PTH2R: variants seen among roughly 807,000 people sequenced by gnomAD.
The protein encoded by PTH2R is PTH2 receptor.
In PTH2R, 59 loss-of-function variants were observed where a neutral mutation model predicts 60.3. That is an observed-to-expected ratio of 0.98 (90% CI 0.79 to 1.22). The LOEUF (loss-of-function observed/expected upper bound fraction) is 1.22. PTH2R is among the 50% of genes most tolerant of loss of function. The pLI is 0.00. For synonymous variants in PTH2R, 256 were observed against 243.8 expected, an observed-to-expected ratio of 1.05 and a Z score of -0.47; for missense variants, 749 against 682.6, an observed-to-expected ratio of 1.10 and a Z score of -1.08.
intron 9 of PTH2R, among the ~76,000 whole-genome samples, chr2:208,467,844 A>T (rs568539013): frequency 1.3e-5 from 2 of 152,338 alleles, no homozygotes; most frequent in African/African-American, 4.8e-5. Flanking sequence ...TCTAATCTTC[A>T]AAAGGATTTA....
At chr2:208,392,445 C>T (rs1053929643) in intron 1 of PTH2R, among the ~76,000 whole-genome samples, 1 of 152,136 alleles carries the variant, frequency 6.6e-6, no homozygotes, top group African/African-American at 2.4e-5. Context: ...ATGGGCCTAG[C>T]AGTTATAGCT....
intron 1 of PTH2R, among the ~76,000 whole-genome samples, chr2:208,380,984 A>G (rs1413985722): frequency 1.3e-5 from 2 of 152,084 alleles, no homozygotes. Flanking sequence ...TGAGGTCCTA[A>G]TGCAAATTTT....
At chr2:208,382,909 T>C (rs1195525004) in intron 1 of PTH2R, among the ~76,000 whole-genome samples, 1 of 152,250 alleles carries the variant, frequency 6.6e-6, no homozygotes, top group Non-Finnish European at 1.5e-5. Flanking sequence ...CCTTCAGCAT[T>C]GATCCCACTC....
At position 208,476,831 on chromosome 2, in the gene PTH2R, A is replaced by G. The variant is rs539931372; in HGVS notation, c.982-4239A>G. On this transcript the variant is annotated intron_variant, in intron 9 of 12. Transcript: ENST00000272847. ...TGATGTGACCCTAGCTCAGTTAGAC[A>G]AGTGGATCCACTGAAGAACCCCATA... Among the ~76,000 whole-genome samples, 4 of 152,206 alleles carry G rather than the reference A, an allele frequency of 2.6e-5. No individual in the cohort carries two copies. The South Asian group carries it at 8.3e-4, about 32-fold the overall frequency.
intron 9 of PTH2R, among the ~76,000 whole-genome samples, chr2:208,477,953 C>CACTACTACTAGTACTACTAGT (rs1559231914): frequency 3.6e-3 from 107 of 29,840 alleles, no homozygotes; most frequent in African/African-American, 6.3e-3. Context: ...GTAGTACTAG[C>CACTACTACTAGTACTACTAGT]ACTACTACTA....
At chr2:208,409,557 A>G (rs1223457606) in intron 1 of PTH2R, among the ~76,000 whole-genome samples, 1 of 152,248 alleles carries the variant, frequency 6.6e-6, no homozygotes, top group Non-Finnish European at 1.5e-5. Flanking sequence ...CAAAAAAATT[A>G]TAACATATTG....
Position 208,459,971 on chromosome 2 carries a change from A to C in PTH2R, c.981+10A>C. The C allele has an allele frequency of 6.2e-7, 1 of 1,611,800 alleles. No homozygotes were observed. Among genetic ancestry groups the C allele is most frequent in the Non-Finnish European group, 8.5e-7 (1 of 1,178,612 alleles). On this transcript the variant is annotated intron_variant, in intron 9 of 12. Coordinates refer to ENST00000272847, the MANE Select transcript of PTH2R (RefSeq NM_005048.4). ...CTTAGCAGCTATTGGGGTAAGTTTAAAAGTTTGTATAGTTAAAAAAGGGAT... is the reference window on the plus strand; with the variant it reads ...CTTAGCAGCTATTGGGGTAAGTTTACAAGTTTGTATAGTTAAAAAAGGGAT...
chr2:208,360,107 T>A, exon 1 of PTH2R: 1 of 400,226 alleles, frequency 2.5e-6, no homozygotes, highest in Non-Finnish European at 5.0e-6. Context: ...AAAATGATTT[T>A]TTTCCCTCGA....
chr2:208,490,266 T>A (rs897589599), intron 11 of PTH2R, among the ~76,000 whole-genome samples: 4 of 152,184 alleles, frequency 2.6e-5, no homozygotes, highest in African/African-American at 9.7e-5. Context: ...TTTGTATTCT[T>A]ACCATACAAT....
At chr2:208,491,059 T>C (rs1703394517) in intron 12 of PTH2R, among the ~76,000 whole-genome samples, 1 of 152,240 alleles carries the variant, frequency 6.6e-6, no homozygotes, top group African/African-American at 2.4e-5. Context: ...TTGATGTTTT[T>C]TGAACTATAA....
intron 9 of PTH2R, among the ~76,000 whole-genome samples, chr2:208,469,241 TG>T (rs1482613680): frequency 6.6e-6 from 1 of 152,248 alleles, no homozygotes; most frequent in Non-Finnish European, 1.5e-5. Context: ...GATATAAAGT[TG>T]TTTTTTAGTC....
intron 1 of PTH2R, among the ~76,000 whole-genome samples, chr2:208,423,623 T>C (rs796591962): frequency 2.6e-5 from 4 of 152,276 alleles, no homozygotes; most frequent in African/African-American, 9.6e-5. Flanking sequence ...GTTGATGGCA[T>C]TGTTGAGTTC....
At chr2:208,373,050 C>T (rs1700731689) in intron 1 of PTH2R, among the ~76,000 whole-genome samples, 1 of 152,110 alleles carries the variant, frequency 6.6e-6, no homozygotes, top group Non-Finnish European at 1.5e-5. Context: ...CACACCACTG[C>T]ACTCTAGCAT....
At chr2:208,363,361 GTTC>G (rs1184678642) in intron 1 of PTH2R, among the ~76,000 whole-genome samples, 1 of 152,094 alleles carries the variant, frequency 6.6e-6, no homozygotes, top group Non-Finnish European at 1.5e-5. Flanking sequence ...ACATGATTTC[GTTC>G]TTCTTATAGC....
chr2:208,471,120 C>T (rs959312006), intron 9 of PTH2R, among the ~76,000 whole-genome samples: 5 of 152,040 alleles, frequency 3.3e-5, no homozygotes, highest in Admixed American at 6.6e-5. Context: ...CTGTTAAAGG[C>T]ATTTAGTTTT....
At chr2:208,379,168 G>A (rs1700864903) in intron 1 of PTH2R, among the ~76,000 whole-genome samples, 1 of 152,124 alleles carries the variant, frequency 6.6e-6, no homozygotes, top group East Asian at 1.9e-4. Context: ...GACACATTTG[G>A]CTGGGACTTA....
At chr2:208,478,661 C>CT (rs546322024) in intron 9 of PTH2R, among the ~76,000 whole-genome samples, 341 of 152,216 alleles carry the variant, frequency 2.2e-3, no homozygotes, top group African/African-American at 7.5e-3. Context: ...TCCTTATAAT[C>CT]TTTTGTTAAT....
At chr2:208,429,507 A>C (rs543232694) in intron 2 of PTH2R, among the ~76,000 whole-genome samples, 1 of 152,186 alleles carries the variant, frequency 6.6e-6, no homozygotes, top group East Asian at 1.9e-4. Flanking sequence ...TATTTAAAAA[A>C]TATGTACAAT....
chr2:208,373,759 A>G (rs1700744943), intron 1 of PTH2R, among the ~76,000 whole-genome samples: 1 of 152,160 alleles, frequency 6.6e-6, no homozygotes, highest in African/African-American at 2.4e-5. Flanking sequence ...AAGGGAGCTC[A>G]ATCCCAAACA....
Sources: gnomAD v4.1 joint callset for allele counts (sites outside exome capture counted in the v4.1 genomes callset) on GRCh38, gnomAD v4.1.1 for gene constraint, MANE v1.5 for transcripts, NCBI Gene and HGNC (gene_info 2026-07-23, HGNC 2026-07-21) for gene names.